MRPS28: variants seen among roughly 807,000 people sequenced by gnomAD.
MRPS28 encodes the protein small ribosomal subunit protein bS1m.
In MRPS28, 7 loss-of-function variants were observed where a neutral mutation model predicts 10.8. The observed-to-expected ratio is 0.65, with a 90% CI of 0.37 to 1.22. The LOEUF is 1.22. Among genes scored for constraint, MRPS28 ranks in the 50% most tolerant of loss-of-function variants. MRPS28 has a pLI of 0.02. For synonymous variants in MRPS28, 121 were observed against 93.3 expected, an observed-to-expected ratio of 1.30 and a Z score of -1.71; for missense variants, 265 against 232.9, an observed-to-expected ratio of 1.14 and a Z score of -0.90.
At chr8:79,995,836 A>G (rs1041494488) in intron 2 of MRPS28, among the ~76,000 whole-genome samples, 4 of 152,210 alleles carry the variant, frequency 2.6e-5, no homozygotes, top group Admixed American at 2.6e-4. Flanking sequence ...TAAGCACAAC[A>G]AATTTGATGA....
intron 2 of MRPS28, among the ~76,000 whole-genome samples, chr8:79,941,762 A>T (rs1321274845): frequency 6.6e-6 from 1 of 152,266 alleles, no homozygotes; most frequent in African/African-American, 2.4e-5. Context: ...AGTTGTAATG[A>T]AAGAGAAAAC....
intron 2 of MRPS28, among the ~76,000 whole-genome samples, chr8:79,932,344 A>G (rs1310142531): frequency 6.6e-6 from 1 of 152,178 alleles, no homozygotes; most frequent in Non-Finnish European, 1.5e-5. Flanking sequence ...GGCATCTCTG[A>G]AGAGGGGACA....
chr8:79,941,117 C>A (rs1806755655), intron 2 of MRPS28, among the ~76,000 whole-genome samples: 1 of 152,038 alleles, frequency 6.6e-6, no homozygotes, highest in African/African-American at 2.4e-5. Flanking sequence ...AAGACCATGT[C>A]TCTATACAAA....
chr8:80,008,127 C>T (rs1365193135), intron 1 of MRPS28, among the ~76,000 whole-genome samples: 3 of 152,166 alleles, frequency 2.0e-5, no homozygotes, highest in African/African-American at 7.2e-5. Flanking sequence ...CGTGTATCTA[C>T]AACTATCTGA....
At chr8:79,970,362 G>A (rs1002354228) in intron 2 of MRPS28, among the ~76,000 whole-genome samples, 19 of 152,168 alleles carry the variant, frequency 1.2e-4, no homozygotes, top group Non-Finnish European at 2.2e-4. Context: ...TGCTCTACAT[G>A]TAGAAAATTC....
chr8:79,954,391 A>T (rs931867081), intron 2 of MRPS28, among the ~76,000 whole-genome samples: 131 of 152,174 alleles, frequency 8.6e-4, no homozygotes, highest in African/African-American at 2.8e-3. Context: ...AAAAAGGGGG[A>T]AACAGGAGGC....
chr8:79,973,488 T>C (rs1358281098), intron 2 of MRPS28, among the ~76,000 whole-genome samples: 1 of 151,910 alleles, frequency 6.6e-6, no homozygotes, highest in East Asian at 1.9e-4. Flanking sequence ...CACACCCCCA[T>C]CTCCAAATAA....
chr8:79,954,161 T>G (rs1490112193), intron 2 of MRPS28, among the ~76,000 whole-genome samples: 1 of 152,062 alleles, frequency 6.6e-6, no homozygotes, highest in East Asian at 1.9e-4. Context: ...GAGTATCCCT[T>G]GAGCCCAGGA....
intron 2 of MRPS28, among the ~76,000 whole-genome samples, chr8:79,988,185 C>T (rs1335107182): frequency 6.8e-6 from 1 of 147,830 alleles, no homozygotes; most frequent in Non-Finnish European, 1.5e-5. Flanking sequence ...AAAAACCAAA[C>T]ACCGCATATT....
At chr8:79,969,214 A>G (rs921775414) in intron 2 of MRPS28, among the ~76,000 whole-genome samples, 1 of 152,206 alleles carries the variant, frequency 6.6e-6, no homozygotes, top group Non-Finnish European at 1.5e-5. Context: ...ACTTATTTTC[A>G]TCTCCTCAAA....
At chr8:79,942,476 C>T (rs936074687) in intron 2 of MRPS28, among the ~76,000 whole-genome samples, 3 of 152,082 alleles carry the variant, frequency 2.0e-5, no homozygotes, top group Admixed American at 2.0e-4. Flanking sequence ...AATTTTATCC[C>T]CAAATTTCTG....
intron 2 of MRPS28, among the ~76,000 whole-genome samples, chr8:79,955,606 G>C (rs1314541491): frequency 2.0e-5 from 3 of 152,058 alleles, no homozygotes; most frequent in African/African-American, 7.2e-5. Flanking sequence ...CCACTACCTG[G>C]ATGGAAGCCA....
chr8:80,024,142 A>G (rs569132440), intron 1 of MRPS28, among the ~76,000 whole-genome samples: 1 of 152,196 alleles, frequency 6.6e-6, no homozygotes, highest in South Asian at 2.1e-4. Context: ...AGGTGGGAGA[A>G]TCACCTGAGC....
At chr8:80,019,656 T>C (rs969599309) in intron 1 of MRPS28, among the ~76,000 whole-genome samples, 8 of 151,364 alleles carry the variant, frequency 5.3e-5, no homozygotes, top group African/African-American at 1.7e-4. Flanking sequence ...AAAGAAAAAA[T>C]AAAAGTATAC....
intron 1 of MRPS28, among the ~76,000 whole-genome samples, chr8:80,003,422 T>C (rs915443432): frequency 5.3e-5 from 8 of 152,124 alleles, no homozygotes; most frequent in Admixed American, 5.2e-4. Flanking sequence ...TCCCAGCACT[T>C]TGGGAGGCCG....
intron 2 of MRPS28, chr8:79,956,952 GC>G (rs1807231465): frequency 6.6e-6 from 1 of 152,132 alleles, no homozygotes; most frequent in Non-Finnish European, 1.5e-5. Context: ...CGCCTACAAG[GC>G]CTTTCCTGGT....
At position 80,016,880 on chromosome 8, in the gene MRPS28, A is replaced by G. The variant is rs568954663; in HGVS notation, c.213+13156T>C. ...GAGACTTTAATGTCCCTCTATCAGA[A>G]AAGGACAGATCCAGCAGGGAGAAAA... is the stretch of plus-strand genomic sequence containing the variant. On this transcript the variant is annotated intron_variant, in intron 1 of 2. Transcript: ENST00000276585. Among the ~76,000 whole-genome samples the G allele has an allele frequency of 6.0e-4, 92 of 152,318 alleles. No individual in the cohort carries two copies. The South Asian group carries it at 0.011, about 19-fold the overall frequency.
chr8:79,979,214 A>C (rs1807883524), intron 2 of MRPS28, among the ~76,000 whole-genome samples: 1 of 152,196 alleles, frequency 6.6e-6, no homozygotes, highest in Non-Finnish European at 1.5e-5. Flanking sequence ...GAGAATTAGG[A>C]CTTTGGAGGA....
chr8:79,935,828 C>T (rs951072476), intron 2 of MRPS28, among the ~76,000 whole-genome samples: 2 of 151,904 alleles, frequency 1.3e-5, no homozygotes, highest in Non-Finnish European at 2.9e-5. Flanking sequence ...AAAGACTTTT[C>T]TGGTATGTTT....
Sources: gnomAD v4.1 joint callset for allele counts (sites outside exome capture counted in the v4.1 genomes callset) on GRCh38, gnomAD v4.1.1 for gene constraint, MANE v1.5 for transcripts, NCBI Gene and HGNC (gene_info 2026-07-23, HGNC 2026-07-21) for gene names.